Variants in TRA2A observed in about 807,000 individuals in gnomAD.
TRA2A encodes transformer 2 alpha homolog.
Under a neutral mutation model 45.7 loss-of-function variants are expected in TRA2A, and 31 were observed. That is an observed-to-expected ratio of 0.68 (90% CI 0.51 to 0.92). TRA2A has a LOEUF of 0.92. Among genes scored for constraint, TRA2A ranks in the 40% least tolerant of loss-of-function variants. TRA2A has a pLI of 0.00. For missense variants in TRA2A, 304 were observed against 367.5 expected, an observed-to-expected ratio of 0.83 and a Z score of 1.41; for synonymous variants, 132 against 126.2, an observed-to-expected ratio of 1.05 and a Z score of -0.31.
chr7:23,521,641 C>G (rs1790141537), intron 2 of TRA2A, 66 bp downstream of exon 2: 1 of 1,566,912 alleles, frequency 6.4e-7, no homozygotes, highest in Non-Finnish European at 8.7e-7. Flanking sequence ...CAAAATGCAG[C>G]CAACAACTGC....
intron 1 of TRA2A, among the ~76,000 whole-genome samples, chr7:23,525,632 T>A (rs1224315850): frequency 1.3e-5 from 2 of 152,252 alleles, no homozygotes; most frequent in African/African-American, 4.8e-5. Flanking sequence ...TTGGTTTTTC[T>A]GTCACCCAGG....
intron 1 of TRA2A, among the ~76,000 whole-genome samples, chr7:23,530,359 G>A (rs759432080): frequency 6.6e-6 from 1 of 152,050 alleles, no homozygotes; most frequent in Non-Finnish European, 1.5e-5. Flanking sequence ...ATAGTCTATT[G>A]CTTTAAATCT....
Position 23,506,267 on chromosome 7 carries a change from C to T in TRA2A, c.642-1G>A. ...GCCTCCTCCACCACCCCCACCACTA[C>T]TGCAGAAAAATGTAAAAATTCTCCA... On this transcript the variant is annotated splice_acceptor_variant, in intron 5 of 7. Transcript: ENST00000297071. LOFTEE classifies it high-confidence loss of function. 1.3e-6 allele frequency: 2 copies of T among 1,593,418 alleles called. No homozygotes were observed. Among genetic ancestry groups the T allele is most frequent in the Non-Finnish European group, 1.7e-6 (2 of 1,168,958 alleles).
At chr7:23,531,549 G>A in intron 1 of TRA2A, 2 of 585,068 alleles carry the variant, frequency 3.4e-6, no homozygotes, top group Non-Finnish European at 6.0e-6. Context: ...GGCGGGGAGG[G>A]AAGAGGACCC....
intron 1 of TRA2A, among the ~76,000 whole-genome samples, chr7:23,525,993 A>G (rs1162435003): frequency 4.6e-5 from 7 of 152,208 alleles, no homozygotes; most frequent in Non-Finnish European, 1.0e-4. Context: ...AAACACTAAG[A>G]AAGTGTTATA....
At chr7:23,522,363 G>T in intron 1 of TRA2A, 1 of 1,258,280 alleles carries the variant, frequency 7.9e-7, no homozygotes, top group Non-Finnish European at 1.0e-6. Context: ...CTTTTCATTA[G>T]CCTTCTTTTA....
At position 23,521,805 on chromosome 7, in the gene TRA2A, A is replaced by G. The variant is rs373107866; in HGVS notation, c.72T>C (p.Thr24=). The change falls in exon 2 of 8, where the codon ACT becomes ACC. Residue 24 remains threonine (T), a synonymous_variant. Transcript: ENST00000297071. The part of the protein sequence containing the change: ...SRSQSKSPTG[T]PARVKSESRS... ...TGCTCTCCGATTTTACACGAGCAGG[A>G]GTTCCCGTTGGAGATTTTGACTGAG... is the stretch of plus-strand genomic sequence containing the variant. 4.9e-5 allele frequency: 79 copies of G among 1,614,056 alleles called. No homozygotes were observed. Among genetic ancestry groups the G allele is most frequent in the Non-Finnish European group, 5.5e-5 (65 of 1,180,034 alleles).
At chr7:23,517,205 G>A (rs965057980) in intron 2 of TRA2A, among the ~76,000 whole-genome samples, 14 of 151,388 alleles carry the variant, frequency 9.2e-5, no homozygotes, top group Non-Finnish European at 1.5e-4. Context: ...ACTTGGGGCC[G>A]GGCACGGTGG....
intron 5 of TRA2A, chr7:23,506,558 T>G (rs1789348222): frequency 2.8e-6 from 1 of 351,562 alleles, no homozygotes; most frequent in Admixed American, 4.5e-5. Flanking sequence ...AGCACTGTGT[T>G]GAGCAGCAGT....
chr7:23,531,049 C>G, intron 1 of TRA2A: 1 of 173,830 alleles, frequency 5.8e-6, no homozygotes, highest in Non-Finnish European at 1.1e-5. Flanking sequence ...TAAGGCGTGA[C>G]AGCATTTCCA....
At chr7:23,514,163 G>A (rs1789754809) in intron 3 of TRA2A, among the ~76,000 whole-genome samples, 2 of 151,206 alleles carry the variant, frequency 1.3e-5, no homozygotes, top group African/African-American at 2.4e-5. Flanking sequence ...CACCTCCCGA[G>A]GTCCAGCCAT....
At position 23,516,575 on chromosome 7, in the gene TRA2A, A is replaced by G. The variant is rs749075995; in HGVS notation, c.171-47T>C. The stretch of plus-strand genomic sequence containing the variant: ...GTAAAAATACTGAAACAAAATGGCT[A>G]AAGTCCTTCCCTCTTCCAAGAAGGT... On this transcript the variant is annotated intron_variant, in intron 2 of 7. Transcript: ENST00000297071. 170 of 1,571,958 alleles carry G rather than the reference A, an allele frequency of 1.1e-4. 1 individual carries two copies. Among genetic ancestry groups the G allele is most frequent in the Non-Finnish European group, 1.4e-4 (164 of 1,143,218 alleles).
chr7:23,516,743 C>G (rs117551118), intron 2 of TRA2A, among the ~76,000 whole-genome samples: 1,820 of 151,444 alleles, frequency 0.012, 29 homozygotes, highest in Non-Finnish European at 0.019. Flanking sequence ...CCTAACCTTA[C>G]AAAAATGTTA....
At chr7:23,523,150 A>G (rs1584139341) in intron 1 of TRA2A, among the ~76,000 whole-genome samples, 1 of 152,182 alleles carries the variant, frequency 6.6e-6, no homozygotes, top group East Asian at 1.9e-4. Context: ...AATGTGCAAG[A>G]AGGTACAAAA....
intron 4 of TRA2A, among the ~76,000 whole-genome samples, chr7:23,507,796 C>A (rs1789411731): frequency 6.6e-6 from 1 of 152,126 alleles, no homozygotes; most frequent in Admixed American, 6.6e-5. Flanking sequence ...CCATTCCCCA[C>A]TCCATGAGAT....
intron 1 of TRA2A, among the ~76,000 whole-genome samples, chr7:23,524,850 C>G (rs370433388): frequency 6.6e-6 from 1 of 151,976 alleles, no homozygotes; most frequent in Non-Finnish European, 1.5e-5. Flanking sequence ...CGCCATCACA[C>G]CCAGCTAATT....
At chr7:23,527,169 G>A (rs775496178) in intron 1 of TRA2A, among the ~76,000 whole-genome samples, 7 of 152,156 alleles carry the variant, frequency 4.6e-5, no homozygotes, top group Admixed American at 1.3e-4. Flanking sequence ...TGGTAAGTCA[G>A]ATGATAGGGT....
Position 23,506,207 on chromosome 7 carries a change from C to T in TRA2A, c.701G>A (p.Arg234Gln), listed in dbSNP as rs1231876081. 9.9e-6 allele frequency: 16 copies of T among 1,613,412 alleles called. No individual in the cohort carries two copies. The highest frequency in any genetic ancestry group is 6.7e-5 in the African/African-American group (5 of 74,870). The change falls in exon 6 of 8, where the codon CGA (arginine) becomes CAA (glutamine). Residue 234 changes from arginine (R) to glutamine (Q), a missense_variant. Arg to Gln is a conservative substitution (Grantham distance 43). Coordinates refer to ENST00000297071, the MANE Select transcript of TRA2A (RefSeq NM_013293.5). ...ATATCCTCTATCATAGTAAGAATCT[C>T]GACGTCTGCCACCACCTCCACCTCC... ...GGGGGGGGRR[R>Q]DSYYDRGYDR...
chr7:23,507,381 T>C, intron 5 of TRA2A, 39 bp downstream of exon 5: 2 of 1,530,776 alleles, frequency 1.3e-6, no homozygotes, highest in Non-Finnish European at 1.8e-6. Context: ...ATATTTCTGG[T>C]GGATTTCATA....
Sources: allele counts gnomAD v4.1 joint callset (sites outside exome capture counted in the v4.1 genomes callset), GRCh38; gene constraint gnomAD v4.1.1; transcripts MANE v1.5; gene names NCBI Gene and HGNC (gene_info 2026-07-23, HGNC 2026-07-21).